Variants in GRIA1 observed in about 807,000 individuals in gnomAD.
GRIA1 encodes glutamate ionotropic receptor AMPA type subunit 1.
GRIA1 carries 31 observed loss-of-function variants against 99.2 expected under a neutral mutation model. The observed-to-expected ratio is 0.31, with a 90% CI of 0.23 to 0.42. GRIA1 has a LOEUF of 0.42. Among genes scored for constraint, GRIA1 ranks in the 10% least tolerant of loss-of-function variants. GRIA1 has a pLI of 1.00. For missense variants in GRIA1, 782 were observed against 1,157.5 expected (o/e 0.68, Z 4.71); for synonymous variants, 438 against 432.4 (o/e 1.01, Z -0.16).
intron 8 of GRIA1, among the ~76,000 whole-genome samples, chr5:153,692,962 A>T (rs10036541): frequency 0.016 from 2,511 of 152,312 alleles, 71 homozygotes; most frequent in African/African-American, 0.057. Flanking sequence ...AAAGTTACAC[A>T]TAAACTTATT....
intron 11 of GRIA1, among the ~76,000 whole-genome samples, chr5:153,740,488 A>G (rs4273649): frequency 0.6 from 91,703 of 152,086 alleles, 28,476 homozygotes; most frequent in East Asian, 0.94. Context: ...AGGACAGTTG[A>G]GTCCAAGTTC....
intron 11 of GRIA1, among the ~76,000 whole-genome samples, chr5:153,717,411 C>T (rs958292979): frequency 1.3e-5 from 2 of 152,026 alleles, no homozygotes; most frequent in African/African-American, 2.4e-5. Context: ...TAGGGAGACA[C>T]GTAAGGGAGG....
At chr5:153,744,504 T>C (rs984749626) in intron 11 of GRIA1, among the ~76,000 whole-genome samples, 3 of 152,252 alleles carry the variant, frequency 2.0e-5, no homozygotes, top group Admixed American at 2.0e-4. Context: ...AATCATGTTT[T>C]TGCTATTTAT....
chr5:153,495,639 G>A (rs1412911070), intron 2 of GRIA1, among the ~76,000 whole-genome samples: 1 of 152,176 alleles, frequency 6.6e-6, no homozygotes, highest in Admixed American at 6.5e-5. Flanking sequence ...AAATAAAATA[G>A]CAATTCTTCA....
intron 2 of GRIA1, among the ~76,000 whole-genome samples, chr5:153,496,561 A>G (rs509555): frequency 0.51 from 77,696 of 151,974 alleles, 20,468 homozygotes; most frequent in Middle Eastern, 0.68. Context: ...GGTACTGGGC[A>G]AGTTAGGTGG....
intron 13 of GRIA1, among the ~76,000 whole-genome samples, chr5:153,785,434 G>A (rs376863769): frequency 3.0e-4 from 46 of 152,118 alleles, no homozygotes; most frequent in African/African-American, 1.1e-3. Context: ...AAATAAAATG[G>A]TAAAGTGTGG....
At chr5:153,586,429 A>G (rs1387915449) in intron 2 of GRIA1, among the ~76,000 whole-genome samples, 4 of 152,220 alleles carry the variant, frequency 2.6e-5, no homozygotes, top group African/African-American at 9.6e-5. Context: ...TAACTTGTCC[A>G]AGCTCACACA....
intron 5 of GRIA1, 73 bp from the exon 6 acceptor site, chr5:153,674,427 G>C (rs558711557): frequency 1.3e-6 from 2 of 1,535,778 alleles, no homozygotes; most frequent in South Asian, 1.2e-5. Flanking sequence ...GGAAAATCCT[G>C]TGGTTTTGGA....
rs143527384 is a variant in GRIA1 at position 153,491,959 on chromosome 5, C to T, written c.82+989C>T. ...CAAACAGAAGCAATAACACCAATCA[C>T]AAAGCATGTCCACAAGGGCTTGGGG... On this transcript the variant is annotated intron_variant, in intron 1 of 15. Transcript: ENST00000285900. 6.0e-3 allele frequency among the ~76,000 whole-genome samples: 913 copies of T among 152,282 alleles called. 4 individuals are homozygous for T. The highest frequency in any genetic ancestry group is 0.021 in the African/African-American group (872 of 41,558).
chr5:153,498,013 G>A (rs1203682642), intron 2 of GRIA1, among the ~76,000 whole-genome samples: 1 of 152,086 alleles, frequency 6.6e-6, no homozygotes, highest in Admixed American at 6.6e-5. Context: ...CTGCAGAAGG[G>A]GTCACCAAAT....
chr5:153,556,053 G>A lies in GRIA1; in HGVS notation c.220+61988G>A, dbSNP rs190027028. The stretch of plus-strand genomic sequence containing the variant: ...ATCATGCCAAACTTGGGACACTTAG[G>A]TATCATTGTTTTTCATTTTCCATTA... On this transcript the variant is annotated intron_variant, in intron 2 of 15. Transcript: ENST00000285900. Among the ~76,000 whole-genome samples, 93 of 152,296 alleles carry A rather than the reference G, an allele frequency of 6.1e-4. 1 individual carries two copies. Among genetic ancestry groups the A allele is most frequent in the African/African-American group, 2.1e-3 (89 of 41,566 alleles).
intron 2 of GRIA1, among the ~76,000 whole-genome samples, chr5:153,507,305 A>AC (rs889972419): frequency 7.3e-5 from 11 of 151,358 alleles, no homozygotes; most frequent in African/African-American, 2.4e-4. Flanking sequence ...ACATTCCACC[A>AC]CCCCCACATA....
intron 11 of GRIA1, among the ~76,000 whole-genome samples, chr5:153,742,591 A>G (rs1761882383): frequency 6.6e-6 from 1 of 152,150 alleles, no homozygotes; most frequent in Non-Finnish European, 1.5e-5. Flanking sequence ...GGCAAAATCC[A>G]CTTCCTGTGT....
At chr5:153,737,075 G>C (rs898792739) in intron 11 of GRIA1, among the ~76,000 whole-genome samples, 4 of 152,138 alleles carry the variant, frequency 2.6e-5, no homozygotes, top group Non-Finnish European at 5.9e-5. Flanking sequence ...GGGTTAGGCT[G>C]TAAGCCTCGA....
At chr5:153,688,758 C>T (rs1427048294) in intron 8 of GRIA1, among the ~76,000 whole-genome samples, 4 of 151,640 alleles carry the variant, frequency 2.6e-5, no homozygotes, top group Admixed American at 6.6e-5. Context: ...CTTGCTCTGT[C>T]GCTCAGACTG....
intron 2 of GRIA1, among the ~76,000 whole-genome samples, chr5:153,499,626 A>C (rs1216600189): frequency 1.3e-5 from 2 of 150,670 alleles, no homozygotes; most frequent in Non-Finnish European, 3.0e-5. Flanking sequence ...AAAAAAAAAA[A>C]AAAAAAAAAA....
At chr5:153,530,569 C>T (rs1372930603) in intron 2 of GRIA1, among the ~76,000 whole-genome samples, 1 of 152,216 alleles carries the variant, frequency 6.6e-6, no homozygotes, top group Non-Finnish European at 1.5e-5. Context: ...ACAACTAATT[C>T]ATTACCCAGT....
chr5:153,661,029 T>C (rs1755332604), intron 5 of GRIA1, among the ~76,000 whole-genome samples: 1 of 152,172 alleles, frequency 6.6e-6, no homozygotes, highest in Admixed American at 6.5e-5. Flanking sequence ...TTAGTCTATT[T>C]GGCAGCTATT....
chr5:153,633,383 T>A (rs564013146), intron 2 of GRIA1, among the ~76,000 whole-genome samples: 1 of 152,340 alleles, frequency 6.6e-6, no homozygotes, highest in South Asian at 2.1e-4. Context: ...TTTCTCCAAA[T>A]GTCTTCCGGA....
Sources: gnomAD v4.1 joint callset for allele counts (sites outside exome capture counted in the v4.1 genomes callset) on GRCh38, gnomAD v4.1.1 for gene constraint, MANE v1.5 for transcripts, NCBI Gene and HGNC (gene_info 2026-07-23, HGNC 2026-07-21) for gene names.